The following AVEN variants were observed in gnomAD, a reference collection of about 807,000 sequenced individuals.
AVEN encodes cell death regulator Aven.
A neutral mutation model predicts 38.1 loss-of-function variants in AVEN; 41 were observed. The ratio of observed to expected loss-of-function variants is 1.08; its 90% CI spans 0.84 to 1.40. AVEN has a LOEUF of 1.40. Among genes scored for constraint, AVEN ranks in the 40% most tolerant of loss-of-function variants. The pLI is 0.00. For missense variants in AVEN, 605 were observed against 438.8 expected (o/e 1.38, Z -3.38); for synonymous variants, 206 against 171.8 (o/e 1.20, Z -1.56).
chr15:33,864,094 G>C, downstream of AVEN: 4 of 1,447,956 alleles, frequency 2.8e-6, no homozygotes, highest in Non-Finnish European at 3.8e-6. Flanking sequence ...GAATGAACTT[G>C]GGTCTTGACC....
chr15:33,901,657 CA>C (rs1892501744), intron 2 of AVEN, among the ~76,000 whole-genome samples: 1 of 152,166 alleles, frequency 6.6e-6, no homozygotes, highest in Non-Finnish European at 1.5e-5. Flanking sequence ...TCCCTTTTCT[CA>C]ACACCTCACC....
rs180799000 is a variant in AVEN, at chr15:33,944,198, T to C, written c.445+58834A>G. On this transcript the variant is annotated intron_variant, in intron 2 of 5. Coordinates refer to ENST00000306730, the MANE Select transcript of AVEN (RefSeq NM_020371.3). ...GTGGTCACTGAACAACGCCTTTACTTCTCTCACATCCCCTGCTCAATTCAA... is the reference window on the plus strand; with the variant it reads ...GTGGTCACTGAACAACGCCTTTACTCCTCTCACATCCCCTGCTCAATTCAA... 2.2e-3 allele frequency among the ~76,000 whole-genome samples: 332 copies of C among 152,240 alleles called. 1 individual carries two copies. The highest frequency in any genetic ancestry group is 7.7e-3 in the African/African-American group (322 of 41,554).
Position 33,908,522 on chromosome 15 carries a change from G to A in AVEN, c.446-32527C>T, listed in dbSNP as rs562303195. On this transcript the variant is annotated intron_variant, in intron 2 of 5. Transcript: ENST00000306730. The stretch of plus-strand genomic sequence containing the variant: ...GGTTATTCCCATGAGAACTCACCCC[G>A]AACCCTGGCAACTACCATTCTATTT... Among the ~76,000 whole-genome samples, 5 of 151,934 alleles carry A rather than the reference G, an allele frequency of 3.3e-5. 1 individual carries two copies. In the South Asian group the frequency reaches 1.0e-3, roughly 32 times the overall value.
chr15:33,921,119 A>G (rs1410771652), intron 2 of AVEN, among the ~76,000 whole-genome samples: 1 of 152,152 alleles, frequency 6.6e-6, no homozygotes, highest in Non-Finnish European at 1.5e-5. Flanking sequence ...GCCCTTGATA[A>G]CTGTTTAACG....
At chr15:33,989,462 A>AG (rs1486573236) in intron 2 of AVEN, among the ~76,000 whole-genome samples, 1 of 151,964 alleles carries the variant, frequency 6.6e-6, no homozygotes, top group Non-Finnish European at 1.5e-5. Flanking sequence ...AAAAAAAAAA[A>AG]AAGGTTCTAA....
chr15:34,058,498 C>G (rs1900231959), intron 5 of AVEN, among the ~76,000 whole-genome samples: 1 of 151,566 alleles, frequency 6.6e-6, no homozygotes, highest in Non-Finnish European at 1.5e-5. Context: ...ATTTCCCAAA[C>G]AGGCCACTAT....
At chr15:33,955,724 C>T (rs1307251200) in intron 2 of AVEN, among the ~76,000 whole-genome samples, 2 of 152,164 alleles carry the variant, frequency 1.3e-5, no homozygotes, top group Non-Finnish European at 2.9e-5. Flanking sequence ...CAAAATTAAA[C>T]ACTAATAGTT....
At chr15:34,055,063 A>T (rs961087338) in intron 5 of AVEN, among the ~76,000 whole-genome samples, 3 of 151,918 alleles carry the variant, frequency 2.0e-5, no homozygotes, top group African/African-American at 7.2e-5. Flanking sequence ...ATGGTGGCAC[A>T]TGCCTGTAAT....
chr15:33,853,918 G>A (rs1352599805), downstream of AVEN, among the ~76,000 whole-genome samples: 1 of 152,166 alleles, frequency 6.6e-6, no homozygotes, highest in Non-Finnish European at 1.5e-5. Context: ...GTTGGGCTGG[G>A]CGCAGTGGCT....
At chr15:33,920,941 A>C (rs113678784) in intron 2 of AVEN, among the ~76,000 whole-genome samples, 2,260 of 151,958 alleles carry the variant, frequency 0.015, 53 homozygotes, top group African/African-American at 0.051. Flanking sequence ...ACACCCAGCT[A>C]ATTTGTGTAT....
chr15:33,857,668 C>A (rs1467929623), downstream of AVEN: 20 of 1,365,516 alleles, frequency 1.5e-5, no homozygotes, highest in Non-Finnish European at 2.0e-5. Flanking sequence ...TTCCCCATTT[C>A]CTCTCCTTGC....
In AVEN at chr15:33,866,665, T is replaced by C; in HGVS notation, c.1037A>G (p.Lys346Arg). ...TTCCAGCTCTTCCTCGGTAACATTT[T>C]TGGAGGTACTTGGTTGCTCAGGTTC... is the stretch of plus-strand genomic sequence containing the variant. Reference protein sequence around the residue: ...NMEPEQPSTSKNVTEEELEDW... With the variant: ...NMEPEQPSTSRNVTEEELEDW... Residue 346 changes from lysine to arginine, a missense_variant, in exon 6 of 6, where the codon AAA (lysine) becomes AGA (arginine). Transcript: ENST00000306730. The C allele has an allele frequency of 6.2e-7, 1 of 1,614,108 alleles. No homozygotes were observed.
downstream of AVEN, among the ~76,000 whole-genome samples, chr15:33,862,342 G>C (rs1045919751): frequency 6.6e-6 from 1 of 150,808 alleles, no homozygotes; most frequent in Non-Finnish European, 1.5e-5. Context: ...CTGAGTAGCT[G>C]GGACAGGTGT....
At chr15:33,880,056 G>A (rs1435117713) in intron 2 of AVEN, among the ~76,000 whole-genome samples, 1 of 152,170 alleles carries the variant, frequency 6.6e-6, no homozygotes, top group South Asian at 2.1e-4. Flanking sequence ...GGTAAGTTAT[G>A]TATTTACTGT....
chr15:34,037,296 C>G (rs1331608232), intron 1 of AVEN, among the ~76,000 whole-genome samples: 2 of 151,948 alleles, frequency 1.3e-5, no homozygotes, highest in Admixed American at 6.6e-5. Context: ...ACGATCCCTG[C>G]AGCTAAGGAA....
chr15:33,941,942 A>T (rs929670961), intron 2 of AVEN, among the ~76,000 whole-genome samples: 4 of 152,210 alleles, frequency 2.6e-5, no homozygotes, highest in African/African-American at 9.7e-5. Flanking sequence ...ACAACAAAGA[A>T]AATAAAGGGA....
At chr15:34,033,407 G>A (rs1340381988) in intron 1 of AVEN, among the ~76,000 whole-genome samples, 4 of 151,946 alleles carry the variant, frequency 2.6e-5, no homozygotes, top group African/African-American at 9.7e-5. Context: ...TCAGGAGGCT[G>A]AGGCAGGAGA....
intron 1 of AVEN, among the ~76,000 whole-genome samples, chr15:34,030,866 C>T (rs1898755174): frequency 6.6e-6 from 1 of 152,062 alleles, no homozygotes; most frequent in South Asian, 2.1e-4. Context: ...AGTCCTTCCA[C>T]CTCACCCTCC....
chr15:33,862,620 GTTTT>G (rs1293116956), downstream of AVEN, among the ~76,000 whole-genome samples: 3 of 152,030 alleles, frequency 2.0e-5, no homozygotes, highest in Non-Finnish European at 4.4e-5. Context: ...CATGAGTTTT[GTTTT>G]TTTATTTATT....
Sources: allele counts gnomAD v4.1 joint callset (sites outside exome capture counted in the v4.1 genomes callset), GRCh38; gene constraint gnomAD v4.1.1; transcripts MANE v1.5; gene names NCBI Gene and HGNC (gene_info 2026-07-23, HGNC 2026-07-21).